Variants in DPP10 observed in about 807,000 individuals in gnomAD.
The protein encoded by DPP10 is dipeptidyl peptidase like 10, also known as inactive dipeptidyl peptidase 10.
Under a neutral mutation model 120.9 loss-of-function variants are expected in DPP10, and 33 were observed. The observed-to-expected ratio is 0.27, with a 90% CI of 0.21 to 0.37. DPP10 has a LOEUF of 0.37. Ranked by LOEUF, DPP10 falls within the 10% of genes least tolerant of loss-of-function variation. The pLI is 1.00. For synonymous variants in DPP10, 337 were observed against 326.1 expected (o/e 1.03, Z -0.36); for missense variants, 816 against 942.8 (o/e 0.87, Z 1.76).
intron 5 of DPP10, among the ~76,000 whole-genome samples, chr2:115,641,816 G>A (rs1456471381): frequency 3.9e-5 from 6 of 152,124 alleles, no homozygotes; most frequent in Admixed American, 3.3e-4. Flanking sequence ...GAATACTGGT[G>A]CCTCAAAACA....
intron 7 of DPP10, among the ~76,000 whole-genome samples, chr2:115,712,023 A>G (rs2092335399): frequency 6.8e-6 from 1 of 145,986 alleles, no homozygotes; most frequent in Non-Finnish European, 1.5e-5. Context: ...AATTTTTTCC[A>G]TGGACTGGGG....
chr2:115,412,055 A>T (rs953819651), intron 3 of DPP10, among the ~76,000 whole-genome samples: 3 of 152,220 alleles, frequency 2.0e-5, no homozygotes, highest in African/African-American at 7.2e-5. Flanking sequence ...TGAACCATGC[A>T]TGGTGCTAGG....
At chr2:115,439,795 TA>T (rs1312923539) in intron 3 of DPP10, among the ~76,000 whole-genome samples, 1 of 152,140 alleles carries the variant, frequency 6.6e-6, no homozygotes, top group Non-Finnish European at 1.5e-5. Flanking sequence ...GAGCTTTTAT[TA>T]AAAAGTAGGA....
chr2:114,469,398 C>A lies in DPP10; in HGVS notation c.60+26560C>A, dbSNP rs145986250. Among the ~76,000 whole-genome samples the A allele has an allele frequency of 7.7e-3, 1,173 of 152,274 alleles. 14 individuals are homozygous for A. Among genetic ancestry groups the A allele is most frequent in the African/African-American group, 0.027 (1,125 of 41,558 alleles). On this transcript the variant is annotated intron_variant, in intron 1 of 25. Transcript: ENST00000410059. ...TTTATCATTCATCTTGTTTAACCTT[C>A]AGCCAGGAGAATGAAAGACAGAAGT...
chr2:115,138,015 G>C (rs1414123438), intron 1 of DPP10, among the ~76,000 whole-genome samples: 18 of 152,086 alleles, frequency 1.2e-4, no homozygotes. Context: ...GACAGAAAGA[G>C]GCACGGGGAT....
At chr2:115,559,981 A>G (rs1475487663) in intron 5 of DPP10, among the ~76,000 whole-genome samples, 2 of 152,080 alleles carry the variant, frequency 1.3e-5, no homozygotes, top group African/African-American at 4.8e-5. Flanking sequence ...ATATGAATCT[A>G]CAGAGAAAAG....
chr2:114,918,901 A>G (rs1694997024), intron 1 of DPP10, among the ~76,000 whole-genome samples: 1 of 152,050 alleles, frequency 6.6e-6, no homozygotes, highest in Admixed American at 6.6e-5. Flanking sequence ...ACTGACACAC[A>G]ACTTACCTAT....
intron 1 of DPP10, among the ~76,000 whole-genome samples, chr2:114,714,508 A>G (rs1022894817): frequency 7.2e-5 from 11 of 152,316 alleles, no homozygotes; most frequent in Admixed American, 2.6e-4. Flanking sequence ...ATTCAGTCAC[A>G]CTGATGGCTC....
intron 5 of DPP10, among the ~76,000 whole-genome samples, chr2:115,611,772 A>G (rs1034893520): frequency 6.6e-6 from 1 of 152,074 alleles, no homozygotes; most frequent in Admixed American, 6.6e-5. Flanking sequence ...CTACCTACTT[A>G]TTAGTAGGGT....
intron 1 of DPP10, among the ~76,000 whole-genome samples, chr2:114,932,878 A>C (rs2104511239): frequency 6.6e-6 from 1 of 152,298 alleles, no homozygotes; most frequent in Non-Finnish European, 1.5e-5. Flanking sequence ...AGTATGCCTC[A>C]CTCCTACTAC....
chr2:115,603,223 A>C (rs962172721), intron 5 of DPP10, among the ~76,000 whole-genome samples: 5 of 151,434 alleles, frequency 3.3e-5, no homozygotes, highest in African/African-American at 1.2e-4. Flanking sequence ...TCTATGTTTG[A>C]GTCAAAAATT....
At chr2:114,931,977 C>G (rs1696102436) in intron 1 of DPP10, among the ~76,000 whole-genome samples, 1 of 152,192 alleles carries the variant, frequency 6.6e-6, no homozygotes, top group South Asian at 2.1e-4. Context: ...TTTCTGTTCG[C>G]TAAATCTGAC....
At chr2:115,503,703 G>C (rs1269590822) in intron 4 of DPP10, among the ~76,000 whole-genome samples, 1 of 152,136 alleles carries the variant, frequency 6.6e-6, no homozygotes, top group Non-Finnish European at 1.5e-5. Context: ...CAGTGAAGCT[G>C]TGCATATCAA....
intron 21 of DPP10, among the ~76,000 whole-genome samples, chr2:115,822,879 A>G (rs903927958): frequency 2.5e-4 from 38 of 151,992 alleles, no homozygotes; most frequent in Non-Finnish European, 4.3e-4. Context: ...TAGTCCAATA[A>G]TTCTCTCTTC....
chr2:115,369,075 T>C (rs1245392268), intron 3 of DPP10, among the ~76,000 whole-genome samples: 1 of 152,026 alleles, frequency 6.6e-6, no homozygotes, highest in African/African-American at 2.4e-5. Context: ...ATTGAAATGA[T>C]TTCCTGAGAA....
intron 1 of DPP10, among the ~76,000 whole-genome samples, chr2:115,049,215 C>T (rs910472818): frequency 1.2e-4 from 18 of 151,916 alleles, no homozygotes; most frequent in Middle Eastern, 3.4e-3. Context: ...TATTATGATA[C>T]AAATAATAAT....
At chr2:114,915,653 G>A (rs1002805282) in intron 1 of DPP10, among the ~76,000 whole-genome samples, 1 of 152,068 alleles carries the variant, frequency 6.6e-6, no homozygotes, top group Non-Finnish European at 1.5e-5. Context: ...TATTGGATCA[G>A]AGTGCAATAA....
chr2:115,104,618 T>A (rs760473059), intron 1 of DPP10, among the ~76,000 whole-genome samples: 21 of 152,162 alleles, frequency 1.4e-4, no homozygotes, highest in Non-Finnish European at 2.8e-4. Flanking sequence ...TGCCAATAAC[T>A]CAGTGAGAGA....
Position 115,131,295 on chromosome 2 carries a change from A to G in DPP10, c.61-177944A>G, listed in dbSNP as rs183259011. 1.4e-4 allele frequency among the ~76,000 whole-genome samples: 21 copies of G among 152,326 alleles called. No homozygotes were observed. In the East Asian group the frequency reaches 3.7e-3, roughly 27 times the overall value. ...TTTGGGAGGCCAAGGCAGGAGCATT[A>G]CTTGATTCCAGGAGTTCAAGACAAG... On this transcript the variant is annotated intron_variant, in intron 1 of 25. Transcript: ENST00000410059.
Sources: allele counts gnomAD v4.1 joint callset (sites outside exome capture counted in the v4.1 genomes callset), GRCh38; gene constraint gnomAD v4.1.1; transcripts MANE v1.5; gene names NCBI Gene and HGNC (gene_info 2026-07-23, HGNC 2026-07-21).